Variants in LIMK2 observed in about 807,000 individuals in gnomAD.
The protein encoded by LIMK2 is LIM domain kinase 2.
A neutral mutation model predicts 75.7 loss-of-function variants in LIMK2; 35 were observed. That is an observed-to-expected ratio of 0.46 (90% CI 0.35 to 0.61). The LOEUF is 0.61. Ranked by LOEUF, LIMK2 falls within the 20% of genes least tolerant of loss-of-function variation. LIMK2 has a pLI of 0.00. For synonymous variants in LIMK2, 301 were observed against 319.2 expected (o/e 0.94, Z 0.61); for missense variants, 623 against 831.0 (o/e 0.75, Z 3.08).
At position 31,262,300 on chromosome 22, in the gene LIMK2, T is replaced by A. The variant is rs548040643; in HGVS notation, c.657+61T>A. On this transcript the variant is annotated intron_variant, in intron 6 of 15. Transcript: ENST00000331728. The surrounding 1 kb of genome is among the most constrained non-coding windows in gnomAD (Gnocchi z 5.0). The stretch of plus-strand genomic sequence containing the variant: ...GACATGGAACAGATCCTCTGAGAAA[T>A]CAGGCTGTAGCCTTTACCTTTTCCT... The A allele has an allele frequency of 1.5e-6, 2 of 1,308,834 alleles. 1 individual carries two copies. The highest frequency in any genetic ancestry group is 4.6e-5 in the East Asian group (2 of 43,468). The allele number at this position is 1,308,834 out of a possible 1,614,324, so 81.1% of individuals were successfully genotyped here. A position where few individuals can be genotyped will look rare whatever the true frequency, so the allele number is the denominator to read the frequency against.
chr22:31,262,181 C>T lies in LIMK2; in HGVS notation c.599C>T (p.Pro200Leu). Residue 200 changes from proline to leucine, a missense_variant, in exon 6 of 16, where the codon CCT (proline) becomes CTT (leucine). By Grantham distance (98) the Pro-to-Leu change is moderately conservative. This residue lies in a region of LIMK2 where 514 missense variants were observed against 661.3 expected (regional missense o/e 0.78). Coordinates refer to ENST00000331728, the MANE Select transcript of LIMK2 (RefSeq NM_005569.4). This position sits in a 1 kb window ranked among gnomAD's most constrained non-coding sequence, Gnocchi z 5.0. ...ISPNNRNAIH[P>L]GDRILEINGT... ...CCCAACAATCGAAACGCCATCCACC[C>T]TGGGGACCGCATCCTGGAGATCAAT... 6.2e-7 allele frequency: 1 copy of T among 1,614,214 alleles called. No individual in the cohort carries two copies. Among genetic ancestry groups the T allele is most frequent in the South Asian group, 1.1e-5 (1 of 91,086 alleles).
At chr22:31,259,741 T>A in intron 4 of LIMK2, 148 bp from the exon 5 acceptor site, 66 of 536,488 alleles carry the variant, frequency 1.2e-4, no homozygotes, top group East Asian at 2.2e-4. Context: ...CCCAGGCTCC[T>A]CATTCTGAGC....
At chr22:31,244,407 T>A (rs930374942) in intron 2 of LIMK2, among the ~76,000 whole-genome samples, 4 of 152,112 alleles carry the variant, frequency 2.6e-5, no homozygotes, top group Non-Finnish European at 5.9e-5. Flanking sequence ...AGATTTTTGG[T>A]GAGAAATAGT....
chr22:31,251,676 A>G (rs1273102909), intron 2 of LIMK2, among the ~76,000 whole-genome samples: 1 of 150,854 alleles, frequency 6.6e-6, no homozygotes. Flanking sequence ...TAAAACAACA[A>G]TAACATATTC....
chr22:31,235,061 A>G (rs1433413327), intron 2 of LIMK2, among the ~76,000 whole-genome samples: 1 of 152,136 alleles, frequency 6.6e-6, no homozygotes, highest in Non-Finnish European at 1.5e-5. Flanking sequence ...AGTAGTTTTA[A>G]TCTCACATTT....
At chr22:31,272,051 T>G (rs2048963223) in intron 12 of LIMK2, among the ~76,000 whole-genome samples, 1 of 150,906 alleles carries the variant, frequency 6.6e-6, no homozygotes, top group Non-Finnish European at 1.5e-5. Context: ...AGTGTGTCTG[T>G]TTTTTTGTTT....
chr22:31,265,139 A>T (rs1249473975), intron 7 of LIMK2, among the ~76,000 whole-genome samples: 2 of 130,438 alleles, frequency 1.5e-5, no homozygotes, highest in Non-Finnish European at 3.1e-5. Flanking sequence ...GGTTGCAGTG[A>T]GTGGAGATCC....
At chr22:31,229,862 C>T (rs1292625657) in intron 2 of LIMK2, among the ~76,000 whole-genome samples, 2 of 152,158 alleles carry the variant, frequency 1.3e-5, no homozygotes, top group African/African-American at 4.8e-5. Context: ...AAAGCTGGAA[C>T]CTCAGACTGT....
chr22:31,222,443 G>A (rs2048443669), intron 1 of LIMK2, among the ~76,000 whole-genome samples: 2 of 131,048 alleles, frequency 1.5e-5, no homozygotes, highest in South Asian at 4.9e-4. Context: ...GTGCAGTGGC[G>A]AGATTACTGC....
chr22:31,226,373 T>C (rs1039917871), intron 2 of LIMK2, among the ~76,000 whole-genome samples: 7 of 151,108 alleles, frequency 4.6e-5, no homozygotes, highest in Non-Finnish European at 8.8e-5. Context: ...CAGCTAATTT[T>C]TGTATTTTAG....
chr22:31,253,432 AAC>A (rs2048745561), intron 2 of LIMK2, among the ~76,000 whole-genome samples: 1 of 152,236 alleles, frequency 6.6e-6, no homozygotes, highest in Admixed American at 6.5e-5. Flanking sequence ...TGTTTAAAAG[AAC>A]AGAGACTGCT....
At chr22:31,259,067 T>G (rs568398841) in intron 3 of LIMK2, 54 bp from the exon 4 acceptor site, 2 of 1,056,678 alleles carry the variant, frequency 1.9e-6, no homozygotes, top group African/African-American at 3.1e-5. Context: ...CCAGCAACAG[T>G]GATAACTCAC....
At chr22:31,257,680 C>G (rs143329058) in intron 2 of LIMK2, among the ~76,000 whole-genome samples, 1 of 152,212 alleles carries the variant, frequency 6.6e-6, no homozygotes, top group African/African-American at 2.4e-5. Flanking sequence ...TTTTTAAAAT[C>G]TGTGCCTTTT....
intron 1 of LIMK2, among the ~76,000 whole-genome samples, chr22:31,215,057 A>C (rs2048379331): frequency 6.6e-6 from 1 of 152,204 alleles, no homozygotes; most frequent in South Asian, 2.1e-4. Flanking sequence ...TTGGACTCCC[A>C]AAATGCTAGG....
intron 1 of LIMK2, among the ~76,000 whole-genome samples, chr22:31,213,034 T>G (rs2048360947): frequency 6.6e-6 from 1 of 152,058 alleles, no homozygotes; most frequent in African/African-American, 2.4e-5. Flanking sequence ...AGGACAGGAC[T>G]AAGGGTAAGG....
intron 7 of LIMK2, among the ~76,000 whole-genome samples, chr22:31,263,729 G>C (rs756816532): frequency 4.6e-5 from 7 of 152,196 alleles, no homozygotes; most frequent in Non-Finnish European, 8.8e-5. Flanking sequence ...AGGGCACTGT[G>C]GCTCACACCT....
At position 31,259,108 on chromosome 22, in the gene LIMK2, C is replaced by G; in HGVS notation, c.253-13C>G. 6.5e-7 allele frequency: 1 copy of G among 1,527,396 alleles called. No individual in the cohort carries two copies. Among genetic ancestry groups the G allele is most frequent in the Non-Finnish European group, 9.1e-7 (1 of 1,101,192 alleles). The allele number at this position is 1,527,396 out of a possible 1,614,324, so 94.6% of individuals were successfully genotyped here. A position where few individuals can be genotyped will look rare whatever the true frequency, so the allele number is the denominator to read the frequency against. On this transcript the variant is annotated splice_polypyrimidine_tract_variant and intron_variant, in intron 3 of 15. Coordinates refer to ENST00000331728, the MANE Select transcript of LIMK2 (RefSeq NM_005569.4). ...TCCTCCCTTTGTACACCCTTCTCCCCACCTGCTCACAGGTGGCTGGGGAGT... is the reference window on the plus strand; with the variant it reads ...TCCTCCCTTTGTACACCCTTCTCCCGACCTGCTCACAGGTGGCTGGGGAGT...
At chr22:31,249,919 A>G (rs1365540449) in intron 2 of LIMK2, among the ~76,000 whole-genome samples, 1 of 152,160 alleles carries the variant, frequency 6.6e-6, no homozygotes, top group Non-Finnish European at 1.5e-5. Flanking sequence ...TCAACAGCCT[A>G]AAGAGATTAT....
In LIMK2 at chr22:31,262,356, G is replaced by A. The variant is rs2048849633; in HGVS notation, c.657+117G>A. 1.1e-6 allele frequency: 1 copy of A among 916,258 alleles called. No individual in the cohort carries two copies. Among genetic ancestry groups the A allele is most frequent in the African/African-American group, 1.6e-5 (1 of 60,982 alleles). The allele number at this position is 916,258 out of a possible 1,614,324, so 56.8% of individuals were successfully genotyped here. A position where few individuals can be genotyped will look rare whatever the true frequency, so the allele number is the denominator to read the frequency against. ...CAGCCCATCTCTTTGTCTTAGCATT[G>A]AGCCTGTGACCACTGGTGACCTATT... On this transcript the variant is annotated intron_variant, in intron 6 of 15. Transcript: ENST00000331728. This position sits in a 1 kb window ranked among gnomAD's most constrained non-coding sequence, Gnocchi z 5.0.
Sources: allele counts gnomAD v4.1 joint callset (sites outside exome capture counted in the v4.1 genomes callset), GRCh38; gene constraint gnomAD v4.1.1; regional missense constraint gnomAD v4.1.1; non-coding constraint Gnocchi (gnomAD v3.1); transcripts MANE v1.5; gene names NCBI Gene and HGNC (gene_info 2026-07-23, HGNC 2026-07-21).